The following RGS6 variants were observed in gnomAD, a reference collection of about 807,000 sequenced individuals.
RGS6 encodes regulator of G protein signaling 6.
RGS6 carries 30 observed loss-of-function variants against 78.5 expected under a neutral mutation model. The observed-to-expected ratio is 0.38, with a 90% CI of 0.29 to 0.52. RGS6 has a LOEUF of 0.52. Among genes scored for constraint, RGS6 ranks in the 20% least tolerant of loss-of-function variants. The probability of loss-of-function intolerance (pLI) is 0.85; values close to 1 mark genes in which losing one functional copy is unlikely to be tolerated. For missense variants in RGS6, 495 were observed against 609.7 expected, an observed-to-expected ratio of 0.81 and a Z score of 1.98; for synonymous variants, 206 against 206.0, an observed-to-expected ratio of 1.00 and a Z score of 0.00.
chr14:72,544,864 C>T (rs2097371111), intron 17 of RGS6, among the ~76,000 whole-genome samples: 1 of 152,198 alleles, frequency 6.6e-6, no homozygotes, highest in Non-Finnish European at 1.5e-5. Context: ...AGAGAAACTC[C>T]CAGCTCCAGG....
intron 3 of RGS6, among the ~76,000 whole-genome samples, chr14:72,387,094 TTAAA>T (rs1298249246): frequency 1.3e-5 from 2 of 152,210 alleles, no homozygotes; most frequent in Non-Finnish European, 2.9e-5. Flanking sequence ...TTTTTATAAT[TTAAA>T]TAGGGAGAAA....
At chr14:71,874,054 A>G in the RGS6 span, among the ~76,000 whole-genome samples, 1 of 152,150 alleles carries the variant, frequency 6.6e-6, no homozygotes, top group Non-Finnish European at 1.5e-5. Flanking sequence ...GCCTTGTAGT[A>G]TAGTTTGAAG....
intron 2 of RGS6, among the ~76,000 whole-genome samples, chr14:71,981,729 C>T (rs984584593): frequency 6.6e-6 from 1 of 151,494 alleles, no homozygotes; most frequent in Non-Finnish European, 1.5e-5. Flanking sequence ...GAGGTTACTG[C>T]TGTCTTTTTG....
chr14:72,440,851 G>A (rs1307460581), intron 3 of RGS6, among the ~76,000 whole-genome samples: 1 of 152,162 alleles, frequency 6.6e-6, no homozygotes, highest in Non-Finnish European at 1.5e-5. Context: ...AGGTGCATGA[G>A]TGTGAGTTGC....
chr14:72,604,965 C>T, the RGS6 span, among the ~76,000 whole-genome samples: 1 of 152,242 alleles, frequency 6.6e-6, no homozygotes, highest in African/African-American at 2.4e-5. Context: ...GCAACAGATG[C>T]CAGTTGGGCC....
At chr14:72,554,833 C>G (rs140094266) in intron 17 of RGS6, among the ~76,000 whole-genome samples, 1 of 152,234 alleles carries the variant, frequency 6.6e-6, no homozygotes, top group Non-Finnish European at 1.5e-5. Flanking sequence ...ACAACTTGGA[C>G]GCGAGACCGG....
chr14:72,474,831 TATTG>T, intron 10 of RGS6, 132 bp downstream of exon 10: 1 of 777,238 alleles, frequency 1.3e-6, no homozygotes. Flanking sequence ...ATTTCACAAA[TATTG>T]ATTGAGCAGC....
chr14:72,057,986 T>G (rs951411084), intron 2 of RGS6, among the ~76,000 whole-genome samples: 4 of 152,188 alleles, frequency 2.6e-5, no homozygotes, highest in African/African-American at 9.7e-5. Context: ...GAATGACATA[T>G]CTGAGTGACT....
intron 2 of RGS6, among the ~76,000 whole-genome samples, chr14:72,276,638 G>C (rs2060714984): frequency 6.6e-6 from 1 of 152,150 alleles, no homozygotes; most frequent in South Asian, 2.1e-4. Flanking sequence ...TTTCGTGGTA[G>C]TGAATAAGTC....
At position 72,151,371 on chromosome 14, in the gene RGS6, A is replaced by G. The variant is rs114677601; in HGVS notation, c.84+186496A>G. On this transcript the variant is annotated intron_variant, in intron 2 of 17. Coordinates refer to ENST00000553525, the MANE Select transcript of RGS6 (RefSeq NM_001204424.2). ...AATTACTTTCTCAGGCCTTCCTGAC[A>G]TTATCAGCAGGACTTGTGTTTTGAT... Among the ~76,000 whole-genome samples, 608 of 152,364 alleles carry G rather than the reference A, an allele frequency of 4.0e-3. 3 individuals are homozygous for G. Among genetic ancestry groups the G allele is most frequent in the African/African-American group, 0.014 (586 of 41,586 alleles).
At chr14:72,199,942 A>G (rs1038400606) in intron 2 of RGS6, among the ~76,000 whole-genome samples, 5 of 152,212 alleles carry the variant, frequency 3.3e-5, no homozygotes, top group Non-Finnish European at 5.9e-5. Flanking sequence ...CCTTAGTCCA[A>G]TCATTTCGAT....
chr14:72,383,213 T>TATATATATATATATATACATATATATAC (rs1387301746), intron 3 of RGS6, among the ~76,000 whole-genome samples: 2 of 118,338 alleles, frequency 1.7e-5, no homozygotes, highest in Admixed American at 8.8e-5. Context: ...TATATATATA[T>TATATATATATATATATACATATATATAC]ACACACAAAC....
chr14:72,006,354 T>A (rs1454263686), intron 2 of RGS6, among the ~76,000 whole-genome samples: 1 of 152,214 alleles, frequency 6.6e-6, no homozygotes, highest in African/African-American at 2.4e-5. Flanking sequence ...TACCTCCTCA[T>A]ATTCAAGCCC....
At chr14:71,979,755 G>A (rs1595575654) in intron 2 of RGS6, among the ~76,000 whole-genome samples, 1 of 152,170 alleles carries the variant, frequency 6.6e-6, no homozygotes, top group East Asian at 1.9e-4. Context: ...GGGGTGGAGA[G>A]TTCTGTAGAT....
intron 2 of RGS6, among the ~76,000 whole-genome samples, chr14:72,096,246 A>G (rs2095404324): frequency 1.3e-5 from 2 of 151,446 alleles, no homozygotes; most frequent in South Asian, 2.1e-4. Context: ...TGCACTCTGC[A>G]CTCCAGCCTG....
chr14:71,880,193 G>A, the RGS6 span, among the ~76,000 whole-genome samples: 3 of 152,198 alleles, frequency 2.0e-5, no homozygotes, highest in African/African-American at 7.2e-5. Flanking sequence ...AAGCAGCACG[G>A]CATTCAAGAG....
intron 3 of RGS6, among the ~76,000 whole-genome samples, chr14:72,370,097 T>C (rs1391533040): frequency 6.6e-6 from 1 of 151,572 alleles, no homozygotes; most frequent in Non-Finnish European, 1.5e-5. Context: ...TGGAGAATGG[T>C]AGACTAGCCT....
chr14:72,260,827 T>C (rs1435516775), intron 2 of RGS6, among the ~76,000 whole-genome samples: 1 of 152,200 alleles, frequency 6.6e-6, no homozygotes, highest in African/African-American at 2.4e-5. Context: ...TAGAGCAGCC[T>C]GTGAAAGTGA....
chr14:72,180,996 T>C (rs2097166874), intron 2 of RGS6, among the ~76,000 whole-genome samples: 1 of 152,192 alleles, frequency 6.6e-6, no homozygotes, highest in Non-Finnish European at 1.5e-5. Context: ...GTAAGAAAGC[T>C]CTTATATTAT....
Sources: allele counts gnomAD v4.1 joint callset (sites outside exome capture counted in the v4.1 genomes callset), GRCh38; gene constraint gnomAD v4.1.1; transcripts MANE v1.5; gene names NCBI Gene and HGNC (gene_info 2026-07-23, HGNC 2026-07-21).